The following UBR3 variants were observed in gnomAD, a reference collection of about 807,000 sequenced individuals.
UBR3 encodes ubiquitin protein ligase E3 component n-recognin 3.
UBR3 carries 85 observed loss-of-function variants against 243.2 expected under a neutral mutation model. That is an observed-to-expected ratio of 0.35 (90% CI 0.29 to 0.42). The LOEUF is 0.42. UBR3 is among the 10% of genes least tolerant of loss of function. UBR3 has a pLI of 1.00. For synonymous variants in UBR3, 748 were observed against 799.8 expected, an observed-to-expected ratio of 0.94 and a Z score of 1.09; for missense variants, 1,686 against 2,300.8, an observed-to-expected ratio of 0.73 and a Z score of 5.47.
intron 24 of UBR3, among the ~76,000 whole-genome samples, chr2:169,985,647 CTGTTTT>C (rs1006726420): frequency 1.6e-4 from 25 of 152,148 alleles, no homozygotes; most frequent in South Asian, 4.2e-4. Context: ...TATTCAGGTA[CTGTTTT>C]TGTTTTTGTT....
intron 9 of UBR3, 55 bp downstream of exon 9, chr2:169,905,348 A>G: frequency 7.8e-7 from 1 of 1,283,138 alleles, no homozygotes. Context: ...CTAATGCTAA[A>G]TTATTAAATA....
chr2:170,041,173 G>C (rs571845137), intron 32 of UBR3, among the ~76,000 whole-genome samples, 188 bp downstream of exon 32: 14 of 152,278 alleles, frequency 9.2e-5, no homozygotes, highest in African/African-American at 2.9e-4. Flanking sequence ...ATAGTGAGAT[G>C]CTGTCTCAAA....
At chr2:169,869,288 C>T (rs2083363062) in intron 1 of UBR3, among the ~76,000 whole-genome samples, 1 of 124,756 alleles carries the variant, frequency 8.0e-6, no homozygotes, top group Non-Finnish European at 1.6e-5. Flanking sequence ...GTGGTGCGAT[C>T]TCGGCTCACT....
chr2:169,882,172 T>C (rs2083899461), intron 5 of UBR3, among the ~76,000 whole-genome samples: 1 of 132,110 alleles, frequency 7.6e-6, no homozygotes. Context: ...ATCATATTTA[T>C]ATGTAATATG....
intron 1 of UBR3, among the ~76,000 whole-genome samples, chr2:169,846,906 G>T (rs2082499166): frequency 6.6e-6 from 1 of 152,004 alleles, no homozygotes; most frequent in Non-Finnish European, 1.5e-5. Flanking sequence ...TGAAATTTTT[G>T]TATTTTTTAT....
At chr2:169,879,739 T>A (rs1423626139) in intron 5 of UBR3, among the ~76,000 whole-genome samples, 1 of 152,246 alleles carries the variant, frequency 6.6e-6, no homozygotes, top group East Asian at 1.9e-4. Context: ...AAACACTGTA[T>A]GTGTGTTAGT....
intron 1 of UBR3, among the ~76,000 whole-genome samples, chr2:169,849,669 G>A (rs935071286): frequency 6.6e-6 from 1 of 152,160 alleles, no homozygotes; most frequent in African/African-American, 2.4e-5. Flanking sequence ...ATAGAATTTG[G>A]ATGGTATATC....
intron 23 of UBR3, among the ~76,000 whole-genome samples, chr2:169,957,726 C>T (rs374524676): frequency 5.3e-5 from 8 of 151,578 alleles, no homozygotes; most frequent in African/African-American, 1.5e-4. Flanking sequence ...TAAAATTAGC[C>T]GTTAAGCTAC....
chr2:169,865,681 T>C (rs1018257987), intron 1 of UBR3, among the ~76,000 whole-genome samples: 21 of 152,236 alleles, frequency 1.4e-4, no homozygotes, highest in African/African-American at 5.1e-4. Context: ...CTCAATTCTT[T>C]TATTGCATCC....
intron 1 of UBR3, among the ~76,000 whole-genome samples, chr2:169,865,981 C>G (rs1025557060): frequency 5.9e-5 from 9 of 151,868 alleles, no homozygotes; most frequent in African/African-American, 1.7e-4. Flanking sequence ...GAAACCCCAT[C>G]TCTACTAAAA....
rs2084308824 is a variant in UBR3, at chr2:169,890,553, A to ATATGTGTGTGTG, written c.1039-609_1039-608insGTGTGTGTGTAT. On this transcript the variant is annotated intron_variant, in intron 5 of 38. Transcript: ENST00000272793. ...GAGAGAGAGAGAGATATATATATAT[A>ATATGTGTGTGTG]TATATATATATGTGTATATATATAT... 5.2e-5 allele frequency among the ~76,000 whole-genome samples: 5 copies of ATATGTGTGTGTG among 96,414 alleles called. 1 individual carries two copies. The highest frequency in any genetic ancestry group is 2.6e-4 in the African/African-American group (5 of 18,972). 63.3% of individuals were successfully genotyped at this position (96,414 alleles called of 152,430 possible).
intron 19 of UBR3, among the ~76,000 whole-genome samples, chr2:169,941,216 T>G (rs1267883175): frequency 6.6e-6 from 1 of 152,142 alleles, no homozygotes; most frequent in Non-Finnish European, 1.5e-5. Flanking sequence ...GGAGTGAGTA[T>G]AGTACAATGG....
rs183085859 is a variant in UBR3, at chr2:169,830,273, A to G, written c.545+2221A>G. ...AAGAGAGTCAGTGGGATAAATTCTC[A>G]AAAGTGTGATTTCCAAATTGCCCTC... On this transcript the variant is annotated intron_variant, in intron 1 of 38. Transcript: ENST00000272793. 2.3e-3 allele frequency among the ~76,000 whole-genome samples: 350 copies of G among 152,256 alleles called. 1 individual carries two copies. Among genetic ancestry groups the G allele is most frequent in the African/African-American group, 7.5e-3 (311 of 41,560 alleles).
intron 32 of UBR3, among the ~76,000 whole-genome samples, chr2:170,041,762 G>GTT (rs1470399590): frequency 6.6e-6 from 1 of 152,146 alleles, no homozygotes; most frequent in African/African-American, 2.4e-5. Flanking sequence ...GGAAGACATT[G>GTT]TTTATACAAA....
chr2:169,961,874 G>GTTTTT (rs34504571), intron 24 of UBR3, among the ~76,000 whole-genome samples: 12 of 136,828 alleles, frequency 8.8e-5, no homozygotes, highest in Admixed American at 2.2e-4. Flanking sequence ...TTTTTCCCAT[G>GTTTTT]TTTTTTTTTT....
intron 35 of UBR3, among the ~76,000 whole-genome samples, chr2:170,063,647 A>G (rs1192606245): frequency 6.6e-6 from 1 of 152,180 alleles, no homozygotes; most frequent in Non-Finnish European, 1.5e-5. Context: ...TGTTTGGGAC[A>G]TAAATCCTGT....
chr2:169,868,203 A>G (rs533217643), intron 1 of UBR3, among the ~76,000 whole-genome samples: 1 of 152,298 alleles, frequency 6.6e-6, no homozygotes, highest in South Asian at 2.1e-4. Flanking sequence ...AACAAGTAGC[A>G]ATTCAGAGCT....
intron 1 of UBR3, among the ~76,000 whole-genome samples, chr2:169,842,316 A>G (rs1397913425): frequency 6.6e-6 from 1 of 152,142 alleles, no homozygotes; most frequent in African/African-American, 2.4e-5. Context: ...GAACCTTTGT[A>G]TCTAGCTCAG....
chr2:169,895,201 T>C lies in UBR3; in HGVS notation c.1126T>C (p.Leu376=). Residue 376 remains leucine, a synonymous_variant, in exon 7 of 39, where the codon TTG becomes CTG. Transcript: ENST00000272793. ...TGCAGATCAATCCATAATGGATGTTTTGAAGCATAAAAGCTTCCTAGAAGA... is the reference window on the plus strand; with the variant it reads ...TGCAGATCAATCCATAATGGATGTTCTGAAGCATAAAAGCTTCCTAGAAGA... ...GTKDQSIMDV[L]KHKSFLEELL... 5 of 1,528,478 alleles carry C rather than the reference T, an allele frequency of 3.3e-6. No individual in the cohort carries two copies. Among genetic ancestry groups the C allele is most frequent in the Non-Finnish European group, 3.5e-6 (4 of 1,141,394 alleles). The allele number at this position is 1,528,478 out of a possible 1,614,324, so 94.7% of individuals were successfully genotyped here.
Sources: allele counts gnomAD v4.1 joint callset (sites outside exome capture counted in the v4.1 genomes callset), GRCh38; gene constraint gnomAD v4.1.1; transcripts MANE v1.5; gene names NCBI Gene and HGNC (gene_info 2026-07-23, HGNC 2026-07-21).